The following SUCLG2 variants were observed in gnomAD, a reference collection of about 807,000 sequenced individuals.
The protein encoded by SUCLG2 is succinate--CoA ligase [GDP-forming] subunit beta, mitochondrial.
In SUCLG2, 42 loss-of-function variants were observed where a neutral mutation model predicts 47.9. The ratio of observed to expected loss-of-function variants is 0.88; its 90% CI spans 0.69 to 1.14. The LOEUF (loss-of-function observed/expected upper bound fraction) is 1.14. Among genes scored for constraint, SUCLG2 ranks in the 50% most tolerant of loss-of-function variants. SUCLG2 has a pLI of 0.00. For synonymous variants in SUCLG2, 195 were observed against 197.3 expected, an observed-to-expected ratio of 0.99 and a Z score of 0.10; for missense variants, 571 against 525.9, an observed-to-expected ratio of 1.09 and a Z score of -0.84.
intron 6 of SUCLG2, among the ~76,000 whole-genome samples, chr3:67,511,455 T>G (rs772323887): frequency 2.1e-4 from 32 of 152,120 alleles, no homozygotes; most frequent in Non-Finnish European, 2.1e-4. Context: ...GTTCTCATGA[T>G]AGTGAGTAAG....
chr3:67,390,280 G>C (rs1323416951), intron 10 of SUCLG2, among the ~76,000 whole-genome samples: 5 of 152,126 alleles, frequency 3.3e-5, no homozygotes, highest in African/African-American at 1.2e-4. Flanking sequence ...CTAATATGCA[G>C]CCCACATTTT....
chr3:67,589,216 G>T (rs962759233), intron 2 of SUCLG2, among the ~76,000 whole-genome samples: 12 of 152,122 alleles, frequency 7.9e-5, no homozygotes, highest in African/African-American at 2.9e-4. Flanking sequence ...CCGACCCTTG[G>T]TCCCACCCTT....
chr3:67,493,954 A>T (rs1336907995), intron 9 of SUCLG2, among the ~76,000 whole-genome samples: 1 of 152,198 alleles, frequency 6.6e-6, no homozygotes, highest in Admixed American at 6.5e-5. Flanking sequence ...GCTGCCTTTG[A>T]ACTTCAATAA....
intron 2 of SUCLG2, among the ~76,000 whole-genome samples, chr3:67,598,477 T>C (rs1708343450): frequency 6.6e-6 from 1 of 152,154 alleles, no homozygotes; most frequent in Non-Finnish European, 1.5e-5. Flanking sequence ...GGCAAACCAA[T>C]AGGGATGATC....
intron 1 of SUCLG2, among the ~76,000 whole-genome samples, chr3:67,646,106 G>T (rs1701186694): frequency 7.8e-6 from 1 of 128,648 alleles, no homozygotes. Flanking sequence ...GAGGGGAGGG[G>T]AGGAGAGGGG....
At chr3:67,574,687 C>T (rs1707698054) in intron 2 of SUCLG2, among the ~76,000 whole-genome samples, 1 of 151,974 alleles carries the variant, frequency 6.6e-6, no homozygotes, top group Non-Finnish European at 1.5e-5. Context: ...AAGCATTCTC[C>T]AAAACAGAAA....
In SUCLG2 at chr3:67,423,738, C is replaced by T. The variant is rs188580351; in HGVS notation, c.1063-22887G>A. Among the ~76,000 whole-genome samples, 535 of 152,302 alleles carry T rather than the reference C, an allele frequency of 3.5e-3. 3 individuals are homozygous for T. The highest frequency in any genetic ancestry group is 0.012 in the African/African-American group (516 of 41,572). ...TATTTTAAAATAAAAAGCTTTTAGA[C>T]ATTTTAACATTTTTGACATCAGAAT... On this transcript the variant is annotated intron_variant, in intron 9 of 10. Transcript: ENST00000307227.
chr3:67,475,539 C>T (rs1704726765), intron 9 of SUCLG2, among the ~76,000 whole-genome samples: 1 of 152,134 alleles, frequency 6.6e-6, no homozygotes, highest in Non-Finnish European at 1.5e-5. Flanking sequence ...ATGAAATGTC[C>T]TATTATAAGT....
intron 1 of SUCLG2, among the ~76,000 whole-genome samples, chr3:67,646,692 G>A (rs1032298479): frequency 2.6e-5 from 4 of 152,050 alleles, no homozygotes; most frequent in African/African-American, 9.7e-5. Context: ...ATAAGTAATT[G>A]TCACAAGATC....
intron 9 of SUCLG2, among the ~76,000 whole-genome samples, chr3:67,463,627 T>TG (rs139459768): frequency 1.5e-3 from 232 of 152,372 alleles, no homozygotes; most frequent in Non-Finnish European, 2.2e-3. Flanking sequence ...AATTTGTTTA[T>TG]GGGGCCATGC....
intron 2 of SUCLG2, among the ~76,000 whole-genome samples, chr3:67,532,280 C>T (rs1706424337): frequency 6.6e-6 from 1 of 152,114 alleles, no homozygotes; most frequent in South Asian, 2.1e-4. Context: ...GGGTTACAGG[C>T]ACATGCCACC....
intron 10 of SUCLG2, among the ~76,000 whole-genome samples, chr3:67,363,190 G>T (rs1379509562): frequency 6.6e-6 from 1 of 152,084 alleles, no homozygotes; most frequent in South Asian, 2.1e-4. Context: ...GTATCCATTG[G>T]TATAAATCTT....
chr3:67,532,473 T>G (rs187516732), intron 2 of SUCLG2, among the ~76,000 whole-genome samples: 3 of 152,356 alleles, frequency 2.0e-5, no homozygotes, highest in African/African-American at 7.2e-5. Flanking sequence ...ATTATATTAT[T>G]GGACTCTGAG....
At chr3:67,386,157 C>T (rs1469780053) in intron 10 of SUCLG2, among the ~76,000 whole-genome samples, 3 of 152,118 alleles carry the variant, frequency 2.0e-5, no homozygotes, top group Non-Finnish European at 4.4e-5. Flanking sequence ...GGCGCGATCT[C>T]GGCTCACTGC....
chr3:67,496,191 A>T (rs563945533), intron 8 of SUCLG2, among the ~76,000 whole-genome samples: 1 of 152,246 alleles, frequency 6.6e-6, no homozygotes, highest in Non-Finnish European at 1.5e-5. Flanking sequence ...AAGTTAAATC[A>T]ATCTGAAAAA....
In SUCLG2 at chr3:67,495,923, CG is replaced by C; in HGVS notation, c.936del (p.Ala313ProfsTer25). 1 of 1,613,892 alleles carries C rather than the reference CG, an allele frequency of 6.2e-7. No individual in the cohort carries two copies. The highest frequency in any genetic ancestry group is 8.5e-7 in the Non-Finnish European group (1 of 1,179,912). On this transcript the variant is annotated frameshift_variant, in exon 9 of 11. Coordinates refer to ENST00000307227, the MANE Select transcript of SUCLG2 (RefSeq NM_003848.4). LOFTEE classifies it high-confidence loss of function. ...NIACFVNGAG[L>X]AMATCDIIFL... The stretch of plus-strand genomic sequence containing the variant: ...AAAATGATATCACAAGTAGCCATGG[CG>C]AGCCCAGCACCATTCACTGTGAAAT...
chr3:67,455,464 C>T (rs1187591677), intron 9 of SUCLG2, among the ~76,000 whole-genome samples: 2 of 152,134 alleles, frequency 1.3e-5, no homozygotes, highest in Non-Finnish European at 2.9e-5. Flanking sequence ...GCCTACTTTC[C>T]AGAATCAGAC....
At chr3:67,528,029 C>T (rs575941690) in intron 4 of SUCLG2, 103 bp downstream of exon 4, 244 of 1,012,938 alleles carry the variant, frequency 2.4e-4, no homozygotes, top group Non-Finnish European at 3.0e-4. Context: ...TGGCACACTG[C>T]CAAAGAGCAG....
chr3:67,411,272 C>T (rs1363507599), intron 9 of SUCLG2, among the ~76,000 whole-genome samples: 1 of 151,934 alleles, frequency 6.6e-6, no homozygotes. Context: ...CTTAAGACCA[C>T]ACAGATTCAC....
Sources: allele counts gnomAD v4.1 joint callset (sites outside exome capture counted in the v4.1 genomes callset), GRCh38; gene constraint gnomAD v4.1.1; transcripts MANE v1.5; gene names NCBI Gene and HGNC (gene_info 2026-07-23, HGNC 2026-07-21).